The following WAC variants were observed in gnomAD, a reference collection of about 807,000 sequenced individuals.
The protein encoded by WAC is WW domain-containing adapter protein with coiled-coil.
WAC carries 11 observed loss-of-function variants against 79.6 expected under a neutral mutation model. That is an observed-to-expected ratio of 0.14 (90% CI 0.09 to 0.23). The LOEUF is 0.23. Ranked by LOEUF, WAC falls within the 10% of genes least tolerant of loss-of-function variation. The pLI is 1.00. For synonymous variants in WAC, 304 were observed against 276.9 expected (o/e 1.10, Z -0.97); for missense variants, 728 against 773.5 (o/e 0.94, Z 0.70).
At chr10:28,608,666 C>T in intron 8 of WAC, 1 of 489,900 alleles carries the variant, frequency 2.0e-6, no homozygotes, top group Non-Finnish European at 3.6e-6. Context: ...TTTTTCAATA[C>T]TTGTTATGTG....
At chr10:28,585,419 G>A (rs1375775343) in intron 4 of WAC, among the ~76,000 whole-genome samples, 1 of 152,136 alleles carries the variant, frequency 6.6e-6, no homozygotes, top group Non-Finnish European at 1.5e-5. Flanking sequence ...AATTTGCACT[G>A]TCCCAGCTCT....
chr10:28,561,177 T>C (rs889014504), intron 3 of WAC, among the ~76,000 whole-genome samples: 5 of 152,198 alleles, frequency 3.3e-5, no homozygotes, highest in African/African-American at 1.2e-4. Flanking sequence ...TGGGAATATT[T>C]CAAAATATTT....
intron 11 of WAC, 47 bp from the exon 12 acceptor site, chr10:28,616,126 C>G: frequency 2.8e-6 from 4 of 1,426,848 alleles, no homozygotes; most frequent in Non-Finnish European, 3.7e-6. Flanking sequence ...ATAAGGATAC[C>G]CAGAAACTAC....
intron 3 of WAC, among the ~76,000 whole-genome samples, chr10:28,539,276 G>A (rs982204373): frequency 6.6e-6 from 1 of 152,170 alleles, no homozygotes; most frequent in African/African-American, 2.4e-5. Context: ...AATATAAAAA[G>A]TGAGAAATCA....
chr10:28,561,956 T>C (rs1838321607), intron 3 of WAC, among the ~76,000 whole-genome samples: 1 of 152,156 alleles, frequency 6.6e-6, no homozygotes, highest in African/African-American at 2.4e-5. Flanking sequence ...ATTGGAATTG[T>C]TGGGAAGAAG....
chr10:28,600,884 T>TGGACAATCCAATGAACAGA (rs968494065), intron 7 of WAC, among the ~76,000 whole-genome samples: 2 of 150,608 alleles, frequency 1.3e-5, no homozygotes, highest in African/African-American at 4.9e-5. Context: ...AATAGAACAG[T>TGGACAATCCAATGAACAGA]GGACAATCCA....
At chr10:28,580,309 C>CT (rs1189395437) in intron 3 of WAC, among the ~76,000 whole-genome samples, 1 of 152,150 alleles carries the variant, frequency 6.6e-6, no homozygotes, top group Non-Finnish European at 1.5e-5. Context: ...AATTGGAATG[C>CT]TTGTCAGTAT....
chr10:28,613,096 C>T (rs529119417), intron 10 of WAC, among the ~76,000 whole-genome samples: 1 of 152,174 alleles, frequency 6.6e-6, no homozygotes, highest in East Asian at 1.9e-4. Flanking sequence ...AAGACCCCAT[C>T]TCTACAAAAA....
intron 3 of WAC, among the ~76,000 whole-genome samples, chr10:28,539,410 T>C (rs1367883747): frequency 6.6e-6 from 1 of 152,248 alleles, no homozygotes; most frequent in Non-Finnish European, 1.5e-5. Context: ...AAATAATGTC[T>C]ATTGTAAATT....
chr10:28,601,587 C>G (rs1840650550), intron 7 of WAC, among the ~76,000 whole-genome samples: 1 of 152,088 alleles, frequency 6.6e-6, no homozygotes, highest in Admixed American at 6.6e-5. Flanking sequence ...GGCAGAGACT[C>G]AAAACATGCT....
chr10:28,597,856 C>A (rs1371419968), intron 7 of WAC, among the ~76,000 whole-genome samples: 2 of 152,190 alleles, frequency 1.3e-5, no homozygotes, highest in African/African-American at 4.8e-5. Context: ...TCCTAGCACT[C>A]ATTGAAATTC....
At chr10:28,582,093 G>C (rs1839567954) in intron 3 of WAC, among the ~76,000 whole-genome samples, 1 of 152,144 alleles carries the variant, frequency 6.6e-6, no homozygotes, top group African/African-American at 2.4e-5. Context: ...GACATCACTA[G>C]CTTTCTTGAG....
chr10:28,597,889 T>C (rs1211746322), intron 7 of WAC, among the ~76,000 whole-genome samples: 1 of 152,188 alleles, frequency 6.6e-6, no homozygotes, highest in East Asian at 1.9e-4. Flanking sequence ...TCTGTTTTAA[T>C]TGTAAAAATC....
rs372044639 is a variant in WAC at position 28,533,983 on chromosome 10, C to G, written c.42-15C>G. ...GCCGTGTCTTATGTCGCTGCCTTCT[C>G]TTCCTGTTTTTCAGCTGTCACGACC... On this transcript the variant is annotated splice_polypyrimidine_tract_variant and intron_variant, in intron 1 of 13. Coordinates refer to ENST00000354911, the MANE Select transcript of WAC (RefSeq NM_016628.5). 2.1e-4 allele frequency: 341 copies of G among 1,606,286 alleles called. 1 individual carries two copies. The highest frequency in any genetic ancestry group is 3.5e-4 in the Middle Eastern group (2 of 5,782).
Position 28,595,923 on chromosome 10 carries a change from A to G in WAC, c.801A>G (p.Pro267=), listed in dbSNP as rs530078029. The stretch of plus-strand genomic sequence containing the variant: ...CCCCAAGCACTGTTCCTTCTAGTCC[A>G]TTTACGCTACAGTCTGATCACCAGC... ...TATPSTVPSS[P]FTLQSDHQPK... Residue 267 remains proline, a synonymous_variant, in exon 7 of 14, where the codon CCA becomes CCG. Transcript: ENST00000354911. 1 of 1,614,140 alleles carries G rather than the reference A, an allele frequency of 6.2e-7. No homozygotes were observed. Among genetic ancestry groups the G allele is most frequent in the South Asian group, 1.1e-5 (1 of 91,086 alleles).
intron 7 of WAC, among the ~76,000 whole-genome samples, chr10:28,607,974 A>G (rs1192094828): frequency 6.6e-6 from 1 of 152,184 alleles, no homozygotes; most frequent in East Asian, 1.9e-4. Context: ...TTTCTTGTTC[A>G]GCTTTCTTAC....
At chr10:28,614,398 T>C (rs1564421242) in intron 10 of WAC, among the ~76,000 whole-genome samples, 169 bp from the exon 11 acceptor site, 1 of 152,206 alleles carries the variant, frequency 6.6e-6, no homozygotes, top group Non-Finnish European at 1.5e-5. Context: ...CAGCCCTAGT[T>C]TGATAGGGAA....
At chr10:28,604,500 G>A (rs1840834805) in intron 7 of WAC, among the ~76,000 whole-genome samples, 1 of 152,104 alleles carries the variant, frequency 6.6e-6, no homozygotes, top group African/African-American at 2.4e-5. Context: ...GGGAAGCCGA[G>A]GTGAACAGAT....
At chr10:28,599,787 T>C (rs1216203016) in intron 7 of WAC, among the ~76,000 whole-genome samples, 1 of 152,128 alleles carries the variant, frequency 6.6e-6, no homozygotes, top group Admixed American at 6.5e-5. Context: ...ACAGTCTTGA[T>C]GTTAGGTAGA....
Sources: allele counts gnomAD v4.1 joint callset (sites outside exome capture counted in the v4.1 genomes callset), GRCh38; gene constraint gnomAD v4.1.1; transcripts MANE v1.5; gene names NCBI Gene and HGNC (gene_info 2026-07-23, HGNC 2026-07-21).